HECW2: variants seen among roughly 807,000 people sequenced by gnomAD.
HECW2 encodes E3 ubiquitin-protein ligase HECW2.
HECW2 carries 61 observed loss-of-function variants against 175.2 expected under a neutral mutation model. That is an observed-to-expected ratio of 0.35 (90% CI 0.28 to 0.43). HECW2 has a LOEUF of 0.43. Ranked by LOEUF, HECW2 falls within the 20% of genes least tolerant of loss-of-function variation. The pLI, the probability that HECW2 is intolerant of heterozygous loss-of-function variation, is 1.00. For synonymous variants in HECW2, 671 were observed against 731.0 expected (o/e 0.92, Z 1.32); for missense variants, 1,524 against 2,000.5 (o/e 0.76, Z 4.54).
chr2:196,306,604 G>T lies in HECW2; in HGVS notation c.2698C>A (p.Arg900=), dbSNP rs6729934. ...GTAGAGTGAGGCAGGATGTTCTCCC[G>T]TCGGAAATCTAGATGGGGCAGACCA... ...DFHQASADFR[R]ENILPHSTSR... is the part of the protein sequence containing the mutation. The change falls in exon 13 of 29, where the codon CGG becomes AGG. Residue 900 remains arginine (R), a synonymous_variant. Coordinates refer to ENST00000644978, the MANE Select transcript of HECW2 (RefSeq NM_001348768.2). 1.7e-3 allele frequency: 2,736 copies of T among 1,611,450 alleles called. 43 individuals carry two copies. The African/African-American group carries it at 0.034, about 20-fold the overall frequency.
At chr2:196,507,957 C>A (rs1454138949) in intron 1 of HECW2, among the ~76,000 whole-genome samples, 1 of 152,206 alleles carries the variant, frequency 6.6e-6, no homozygotes, top group African/African-American at 2.4e-5. Context: ...CCTCTTCAAC[C>A]CCAATATGCT....
chr2:196,252,054 C>T (rs1688874087), intron 19 of HECW2, among the ~76,000 whole-genome samples: 1 of 151,784 alleles, frequency 6.6e-6, no homozygotes. Flanking sequence ...CAAAAATTTG[C>T]TGGGCATGGT....
At chr2:196,519,488 T>C (rs529479535) in intron 1 of HECW2, among the ~76,000 whole-genome samples, 22 of 152,336 alleles carry the variant, frequency 1.4e-4, no homozygotes, top group African/African-American at 5.3e-4. Context: ...TTTCTTAAAA[T>C]ATGTAATATG....
chr2:196,572,722 C>T (rs1199659937), intron 1 of HECW2, among the ~76,000 whole-genome samples: 1 of 152,028 alleles, frequency 6.6e-6, no homozygotes, highest in Non-Finnish European at 1.5e-5. Context: ...AGGGTAGAGC[C>T]TTCATGACTG....
intron 2 of HECW2, among the ~76,000 whole-genome samples, chr2:196,408,156 G>A (rs1013717711): frequency 3.9e-5 from 6 of 152,146 alleles, no homozygotes; most frequent in African/African-American, 7.2e-5. Flanking sequence ...ATGATCAAAA[G>A]GCTGTGCTGA....
At chr2:196,214,434 C>T (rs1247656263) in intron 28 of HECW2, among the ~76,000 whole-genome samples, 1 of 152,192 alleles carries the variant, frequency 6.6e-6, no homozygotes, top group Non-Finnish European at 1.5e-5. Flanking sequence ...CTACCCTTTC[C>T]TTCTTCAATG....
chr2:196,552,322 C>A (rs142656011), intron 1 of HECW2, among the ~76,000 whole-genome samples: 131 of 152,264 alleles, frequency 8.6e-4, no homozygotes, highest in South Asian at 1.5e-3. Flanking sequence ...AACAAAGTGA[C>A]CCTTAGGCCC....
intron 2 of HECW2, among the ~76,000 whole-genome samples, chr2:196,388,054 A>G (rs1694400159): frequency 1.3e-5 from 2 of 152,054 alleles, no homozygotes; most frequent in African/African-American, 4.8e-5. Flanking sequence ...ACTTTGGGAG[A>G]CCAATGTGGG....
At chr2:196,271,102 A>G (rs1260699396) in intron 17 of HECW2, 91 bp downstream of exon 17, 3 of 786,384 alleles carry the variant, frequency 3.8e-6, no homozygotes, top group Non-Finnish European at 6.4e-6. Context: ...GTCAGAAAGA[A>G]AGAATAAATT....
At chr2:196,554,857 C>T (rs1689740240) in intron 1 of HECW2, among the ~76,000 whole-genome samples, 1 of 152,184 alleles carries the variant, frequency 6.6e-6, no homozygotes, top group African/African-American at 2.4e-5. Context: ...TATGTTTTCA[C>T]ATCATTACAG....
At chr2:196,315,306 G>A (rs1217124172) in intron 10 of HECW2, among the ~76,000 whole-genome samples, 2 of 152,112 alleles carry the variant, frequency 1.3e-5, no homozygotes, top group Non-Finnish European at 2.9e-5. Context: ...AATTAGCACA[G>A]ATAAGTGTTT....
At chr2:196,492,595 G>A (rs1380453081) in intron 1 of HECW2, among the ~76,000 whole-genome samples, 2 of 152,158 alleles carry the variant, frequency 1.3e-5, no homozygotes, top group African/African-American at 2.4e-5. Context: ...GGAAAGGGGC[G>A]GGAGTGGAAT....
chr2:196,413,242 CCA>C (rs1343301584), intron 2 of HECW2, among the ~76,000 whole-genome samples: 2 of 152,130 alleles, frequency 1.3e-5, no homozygotes. Context: ...GCAGTCCCAG[CCA>C]CTCAGGAAGC....
At position 196,306,562 on chromosome 2, in the gene HECW2, T is replaced by G. The variant is rs770413027; in HGVS notation, c.2740A>C (p.Thr914Pro). ...ACGGGGGGAGACTGTAACAGCAACG[T>G]GATCCTGGATCTGGAGGTAGAGTGA... ...LPHSTSRSRITLLLQSPPVKF... is the reference protein window; with the variant it reads ...LPHSTSRSRIPLLLQSPPVKF... The change falls in exon 13 of 29, where the codon ACG (threonine) becomes CCG (proline). Residue 914 changes from threonine (T) to proline (P), a missense_variant. Around this residue, in one of 11 missense-constraint regions of HECW2, gnomAD observed 105 missense variants for 98.1 expected, o/e 1.07. Transcript: ENST00000644978. The G allele has an allele frequency of 6.2e-7, 1 of 1,613,250 alleles. No individual in the cohort carries two copies.
In HECW2 at chr2:196,442,996, C is replaced by T. The variant is rs558279001; in HGVS notation, c.-35-9538G>A. Among the ~76,000 whole-genome samples, 15 of 152,072 alleles carry T rather than the reference C, an allele frequency of 9.9e-5. No individual in the cohort carries two copies. In the South Asian group the frequency reaches 2.3e-3, roughly 23 times the overall value. On this transcript the variant is annotated intron_variant, in intron 1 of 28. Coordinates refer to ENST00000644978, the MANE Select transcript of HECW2 (RefSeq NM_001348768.2). ...ATTTACTAGAAAGATACTAGGTAGCCCACAGAATCAAAATAAAGGAAAATA... is the reference window on the plus strand; with the variant it reads ...ATTTACTAGAAAGATACTAGGTAGCTCACAGAATCAAAATAAAGGAAAATA...
intron 13 of HECW2, among the ~76,000 whole-genome samples, chr2:196,299,383 T>C (rs948406922): frequency 2.0e-5 from 3 of 150,616 alleles, no homozygotes; most frequent in Non-Finnish European, 4.4e-5. Flanking sequence ...TTAAAACATG[T>C]TAGTTGTCAA....
chr2:196,364,402 T>A (rs1287920674), intron 2 of HECW2, among the ~76,000 whole-genome samples: 1 of 152,222 alleles, frequency 6.6e-6, no homozygotes, highest in African/African-American at 2.4e-5. Context: ...CCATCACACA[T>A]GTACTCTTTC....
chr2:196,242,315 T>C, intron 19 of HECW2, 111 bp from the exon 20 acceptor site: 1 of 1,360,032 alleles, frequency 7.4e-7, no homozygotes. Context: ...GAGGCAACTG[T>C]CTTAACTTCT....
intron 1 of HECW2, among the ~76,000 whole-genome samples, chr2:196,500,957 G>A (rs2125402113): frequency 6.6e-6 from 1 of 152,256 alleles, no homozygotes; most frequent in African/African-American, 2.4e-5. Context: ...AACAGTGAGG[G>A]CTTCCTTATT....
Sources: allele counts gnomAD v4.1 joint callset (sites outside exome capture counted in the v4.1 genomes callset), GRCh38; gene constraint gnomAD v4.1.1; regional missense constraint gnomAD v4.1.1; transcripts MANE v1.5; gene names NCBI Gene and HGNC (gene_info 2026-07-23, HGNC 2026-07-21).